The following STK32B variants were observed in gnomAD, a reference collection of about 807,000 sequenced individuals.
STK32B encodes serine/threonine-protein kinase 32B.
STK32B carries 43 observed loss-of-function variants against 52.6 expected under a neutral mutation model. The observed-to-expected ratio is 0.82, with a 90% CI of 0.64 to 1.05. The LOEUF (loss-of-function observed/expected upper bound fraction) is 1.05, where lower values mean the gene tolerates loss of function less well. STK32B is among the 50% of genes least tolerant of loss of function. STK32B has a pLI of 0.00. For synonymous variants in STK32B, 238 were observed against 204.3 expected, an observed-to-expected ratio of 1.17 and a Z score of -1.41; for missense variants, 621 against 534.6, an observed-to-expected ratio of 1.16 and a Z score of -1.59.
At chr4:5,247,799 C>A (rs1392627759) in intron 3 of STK32B, among the ~76,000 whole-genome samples, 2 of 152,010 alleles carry the variant, frequency 1.3e-5, no homozygotes, top group Non-Finnish European at 2.9e-5. Context: ...TCTTTTGTGT[C>A]TTCTTTTGCT....
At chr4:5,269,223 A>G (rs987472870) in intron 3 of STK32B, among the ~76,000 whole-genome samples, 1 of 152,178 alleles carries the variant, frequency 6.6e-6, no homozygotes, top group Non-Finnish European at 1.5e-5. Flanking sequence ...GATTAGTTGT[A>G]AGTGATGCTC....
chr4:5,405,756 AAG>A (rs1401074071), intron 5 of STK32B, among the ~76,000 whole-genome samples: 2 of 151,986 alleles, frequency 1.3e-5, no homozygotes, highest in Non-Finnish European at 1.5e-5. Flanking sequence ...AGAACAGCAA[AAG>A]AGAAATCCAC....
At chr4:5,315,682 CTTTTTT>C (rs199584251) in intron 3 of STK32B, among the ~76,000 whole-genome samples, 2 of 120,496 alleles carry the variant, frequency 1.7e-5, no homozygotes, top group Non-Finnish European at 3.7e-5. Flanking sequence ...TTTTCTTTTT[CTTTTTT>C]TTTTTTTTTG....
At chr4:5,489,767 C>A (rs28801161) in intron 11 of STK32B, among the ~76,000 whole-genome samples, 3,719 of 152,036 alleles carry the variant, frequency 0.024, 142 homozygotes, top group African/African-American at 0.084. Flanking sequence ...GATTTACTTA[C>A]GTGACATGAA....
At chr4:5,247,539 G>T (rs1453728793) in intron 3 of STK32B, among the ~76,000 whole-genome samples, 1 of 152,268 alleles carries the variant, frequency 6.6e-6, no homozygotes, top group South Asian at 2.1e-4. Context: ...GCGATGCCTC[G>T]CCCTGCTTTG....
At chr4:5,479,277 G>T (rs891834841) in intron 11 of STK32B, among the ~76,000 whole-genome samples, 1 of 151,676 alleles carries the variant, frequency 6.6e-6, no homozygotes. Flanking sequence ...CCACCACCAC[G>T]CCCAGCTAAT....
intron 3 of STK32B, among the ~76,000 whole-genome samples, chr4:5,228,143 G>C (rs1051475976): frequency 6.6e-6 from 1 of 152,152 alleles, no homozygotes; most frequent in Non-Finnish European, 1.5e-5. Context: ...CCACCAATGT[G>C]TTTGTGCAAG....
chr4:5,357,060 T>C (rs1038815860), intron 4 of STK32B, among the ~76,000 whole-genome samples: 1 of 146,758 alleles, frequency 6.8e-6, no homozygotes, highest in Non-Finnish European at 1.5e-5. Flanking sequence ...CACACACATA[T>C]ATACACACAT....
intron 2 of STK32B, among the ~76,000 whole-genome samples, chr4:5,146,064 T>C (rs73210214): frequency 0.028 from 4,239 of 148,800 alleles, 142 homozygotes; most frequent in East Asian, 0.097. Context: ...TTTTTTTTTT[T>C]CCCTAGTATG....
rs537179971 is a variant in STK32B, at chr4:5,377,081, C to A, written c.435-21126C>A. Reference sequence around the variant, plus strand: ...ACCAGAGCTTCCTGGCAGCTCTCTGCACTTCATCCTGAGGACTGCAGTGCT... The same window carrying A: ...ACCAGAGCTTCCTGGCAGCTCTCTGAACTTCATCCTGAGGACTGCAGTGCT... On this transcript the variant is annotated intron_variant, in intron 4 of 11. Transcript: ENST00000282908. Among the ~76,000 whole-genome samples, 3 of 152,322 alleles carry A rather than the reference C, an allele frequency of 2.0e-5. 1 individual carries two copies. Among genetic ancestry groups the A allele is most frequent in the African/African-American group, 7.2e-5 (3 of 41,590 alleles).
At chr4:5,213,253 G>C (rs1283466148) in intron 3 of STK32B, among the ~76,000 whole-genome samples, 2 of 152,220 alleles carry the variant, frequency 1.3e-5, no homozygotes, top group South Asian at 2.1e-4. Flanking sequence ...CTGCCACCAA[G>C]CTGCCATCAA....
At position 5,460,211 on chromosome 4, in the gene STK32B, C is replaced by T; in HGVS notation, c.892C>T (p.Pro298Ser). 1 of 1,612,936 alleles carries T rather than the reference C, an allele frequency of 6.2e-7. No homozygotes were observed. Among genetic ancestry groups the T allele is most frequent in the Non-Finnish European group, 8.5e-7 (1 of 1,179,438 alleles). Residue 298 changes from proline (P) to serine (S), a missense_variant, in exon 9 of 12, where the codon CCC becomes TCC. Physicochemically the swap from Pro to Ser is moderately conservative, Grantham distance 74. Transcript: ENST00000282908. The surrounding 1 kb of genome is among the most constrained non-coding windows in gnomAD (Gnocchi z 4.8). ...WDAVFKKALM[P>S]GFVPNKGRLN... ...CGCGGTGTTCAAGAAGGCACTGATG[C>T]CCGGCTTTGTGCCCAATGTGAGTGG...
chr4:5,339,209 T>G (rs1732909023), intron 4 of STK32B, among the ~76,000 whole-genome samples: 1 of 152,132 alleles, frequency 6.6e-6, no homozygotes, highest in Non-Finnish European at 1.5e-5. Flanking sequence ...CTGTCCTGGG[T>G]CTCCAGCTTG....
chr4:5,220,915 T>G (rs1723488550), intron 3 of STK32B, among the ~76,000 whole-genome samples: 1 of 152,202 alleles, frequency 6.6e-6, no homozygotes, highest in Non-Finnish European at 1.5e-5. Context: ...TGCTGAGAAT[T>G]CTATTCTTTA....
chr4:5,193,868 C>A (rs1052873377), intron 3 of STK32B, among the ~76,000 whole-genome samples: 1 of 152,234 alleles, frequency 6.6e-6, no homozygotes, highest in African/African-American at 2.4e-5. Flanking sequence ...CATTCAGGAA[C>A]CCACATCCTT....
At chr4:5,046,235 C>T in the STK32B span, among the ~76,000 whole-genome samples, 68 of 152,160 alleles carry the variant, frequency 4.5e-4, no homozygotes, top group African/African-American at 7.5e-4. Context: ...ACCTAATTTT[C>T]GACAAACGTG....
At chr4:5,127,983 C>T (rs1187747722) in intron 1 of STK32B, among the ~76,000 whole-genome samples, 4 of 152,184 alleles carry the variant, frequency 2.6e-5, no homozygotes, top group Admixed American at 1.3e-4. Flanking sequence ...AGTCACCTTC[C>T]ACCATGATTG....
chr4:5,260,830 A>C (rs1726663308), intron 3 of STK32B, among the ~76,000 whole-genome samples: 1 of 152,182 alleles, frequency 6.6e-6, no homozygotes, highest in Non-Finnish European at 1.5e-5. Flanking sequence ...CATCTGGGGA[A>C]GGCAACAGAA....
At chr4:5,335,611 C>T (rs1039575337) in intron 4 of STK32B, among the ~76,000 whole-genome samples, 5 of 151,774 alleles carry the variant, frequency 3.3e-5, no homozygotes, top group Non-Finnish European at 7.4e-5. Flanking sequence ...CTCTTGTGGG[C>T]ATTTAGTGCT....
Sources: allele counts gnomAD v4.1 joint callset (sites outside exome capture counted in the v4.1 genomes callset), GRCh38; gene constraint gnomAD v4.1.1; non-coding constraint Gnocchi (gnomAD v3.1); transcripts MANE v1.5; gene names NCBI Gene and HGNC (gene_info 2026-07-23, HGNC 2026-07-21).